Variants in AUTS2 observed in about 807,000 individuals in gnomAD.
AUTS2 encodes the protein autism susceptibility gene 2 protein.
In AUTS2, 17 loss-of-function variants were observed where a neutral mutation model predicts 112.4. The observed-to-expected ratio is 0.15, with a 90% CI of 0.10 to 0.23. The LOEUF is 0.23. Among genes scored for constraint, AUTS2 ranks in the 10% least tolerant of loss-of-function variants. The pLI, the probability that AUTS2 is intolerant of heterozygous loss-of-function variation, is 1.00. For missense variants in AUTS2, 1,510 were observed against 1,701.6 expected, an observed-to-expected ratio of 0.89 and a Z score of 1.98; for synonymous variants, 751 against 702.7, an observed-to-expected ratio of 1.07 and a Z score of -1.09.
At chr7:70,383,054 G>A (rs1461176052) in intron 4 of AUTS2, among the ~76,000 whole-genome samples, 1 of 152,062 alleles carries the variant, frequency 6.6e-6, no homozygotes, top group Non-Finnish European at 1.5e-5. Context: ...ATATTCTGAT[G>A]CTCTTTTAAT....
chr7:69,836,274 T>G (rs1791719967), intron 1 of AUTS2, among the ~76,000 whole-genome samples: 1 of 152,224 alleles, frequency 6.6e-6, no homozygotes, highest in South Asian at 2.1e-4. Flanking sequence ...GTGATACATG[T>G]GATGTCTTTG....
chr7:69,891,774 CTTTTTTTTTTTTTTTT>C (rs763424098), intron 1 of AUTS2, among the ~76,000 whole-genome samples: 65 of 26,742 alleles, frequency 2.4e-3, no homozygotes, highest in East Asian at 0.01. Context: ...AGACAGATAT[CTTTTTTTTTTTTTTTT>C]TTTTTTTTTT....
intron 1 of AUTS2, among the ~76,000 whole-genome samples, chr7:69,669,284 G>A (rs1172286347): frequency 6.6e-6 from 1 of 151,848 alleles, no homozygotes; most frequent in Non-Finnish European, 1.5e-5. Flanking sequence ...AAATAATAAT[G>A]TATATCTACT....
At position 70,088,035 on chromosome 7, in the gene AUTS2, C is replaced by CT. The variant is rs759374728; in HGVS notation, c.523-30083dup. Among the ~76,000 whole-genome samples, 1,142 of 137,728 alleles carry CT rather than the reference C, an allele frequency of 8.3e-3. 8 individuals carry two copies. Among genetic ancestry groups the CT allele is most frequent in the African/African-American group, 0.021 (780 of 37,858 alleles). The allele number at this position is 137,728 out of a possible 152,430, so 90.4% of individuals were successfully genotyped here. On this transcript the variant is annotated intron_variant, in intron 2 of 18. Coordinates refer to ENST00000342771, the MANE Select transcript of AUTS2 (RefSeq NM_015570.4). ...TATTCTTGATAGTGACAATTCATGT[C>CT]TTTTTTTTTTTTTTCCAGGTCAGTG...
rs1361492371 is a variant in AUTS2 at position 70,227,313 on chromosome 7, T to TA, written c.660+92742_660+92743insA. On this transcript the variant is annotated intron_variant, in intron 4 of 18. Transcript: ENST00000342771. ...TTTTCTGGTCACTTTTCTCATGCAT[T>TA]TAAAAAAAAAAAAACAACCTTTTTA... 3.2e-3 allele frequency among the ~76,000 whole-genome samples: 415 copies of TA among 131,288 alleles called. 1 individual carries two copies. The highest frequency in any genetic ancestry group is 9.4e-3 in the South Asian group (38 of 4,062). 86.1% of individuals were successfully genotyped at this position (131,288 alleles called of 152,430 possible). A position where few individuals can be genotyped will look rare whatever the true frequency, so the allele number is the denominator to read the frequency against.
intron 5 of AUTS2, among the ~76,000 whole-genome samples, chr7:70,564,022 C>A (rs187354536): frequency 6.6e-6 from 1 of 152,068 alleles, no homozygotes; most frequent in Non-Finnish European, 1.5e-5. Context: ...AGGTTTAAGT[C>A]GGCTTTTTAT....
intron 4 of AUTS2, among the ~76,000 whole-genome samples, chr7:70,180,616 C>T (rs1414842020): frequency 6.6e-6 from 1 of 152,176 alleles, no homozygotes; most frequent in Admixed American, 6.5e-5. Flanking sequence ...GTCCCTCCCT[C>T]CTCATCTCTG....
At chr7:69,812,516 G>A (rs554140948) in intron 1 of AUTS2, among the ~76,000 whole-genome samples, 253 of 152,322 alleles carry the variant, frequency 1.7e-3, no homozygotes, top group Middle Eastern at 3.4e-3. Flanking sequence ...GTGATGCTGT[G>A]AAATTTATTG....
At chr7:70,439,701 C>G (rs1350897171) in intron 5 of AUTS2, among the ~76,000 whole-genome samples, 1 of 152,124 alleles carries the variant, frequency 6.6e-6, no homozygotes, top group Non-Finnish European at 1.5e-5. Flanking sequence ...TTATTCTGAT[C>G]CCCCATTCGA....
At chr7:69,647,045 G>C (rs1795055902) in intron 1 of AUTS2, among the ~76,000 whole-genome samples, 1 of 152,160 alleles carries the variant, frequency 6.6e-6, no homozygotes, top group South Asian at 2.1e-4. Flanking sequence ...CCGAGATGGC[G>C]CCACTGCACT....
chr7:70,381,156 T>C (rs927731087), intron 4 of AUTS2, among the ~76,000 whole-genome samples: 19 of 152,156 alleles, frequency 1.2e-4, no homozygotes, highest in African/African-American at 4.6e-4. Flanking sequence ...AAGAATAACA[T>C]TAGAATTATA....
At chr7:70,650,971 G>C (rs1384343516) in intron 5 of AUTS2, among the ~76,000 whole-genome samples, 1 of 152,224 alleles carries the variant, frequency 6.6e-6, no homozygotes, top group Non-Finnish European at 1.5e-5. Context: ...TCAATGGACA[G>C]AGAGGAAGGA....
intron 2 of AUTS2, among the ~76,000 whole-genome samples, chr7:69,941,298 A>G (rs1796617374): frequency 6.6e-6 from 1 of 152,198 alleles, no homozygotes; most frequent in Non-Finnish European, 1.5e-5. Flanking sequence ...TGCCACATCT[A>G]TAAGGAATTG....
intron 4 of AUTS2, among the ~76,000 whole-genome samples, chr7:70,328,580 T>A (rs1472439990): frequency 1.1e-4 from 17 of 152,082 alleles, no homozygotes; most frequent in Admixed American, 1.0e-3. Flanking sequence ...TTGAATAACT[T>A]TTTGTTCCTG....
intron 2 of AUTS2, among the ~76,000 whole-genome samples, chr7:69,936,459 C>T (rs1796415405): frequency 6.6e-6 from 1 of 152,118 alleles, no homozygotes; most frequent in Admixed American, 6.5e-5. Flanking sequence ...ACGCCATTCT[C>T]CTGCCTCAGC....
chr7:70,589,233 G>A (rs1031577556), intron 5 of AUTS2, among the ~76,000 whole-genome samples: 6 of 152,268 alleles, frequency 3.9e-5, no homozygotes, highest in Middle Eastern at 3.4e-3. Flanking sequence ...CAGGGAGAAC[G>A]GGTCTGCAGA....
chr7:70,084,276 T>C (rs549340992), intron 2 of AUTS2, among the ~76,000 whole-genome samples: 1 of 152,316 alleles, frequency 6.6e-6, no homozygotes, highest in Middle Eastern at 3.4e-3. Flanking sequence ...ACAATATTAC[T>C]CAATTTATGG....
At chr7:70,339,758 C>T (rs1791171339) in intron 4 of AUTS2, among the ~76,000 whole-genome samples, 1 of 152,006 alleles carries the variant, frequency 6.6e-6, no homozygotes. Context: ...GAGAATAGGG[C>T]CTGGATTTTT....
At chr7:70,776,744 A>AT (rs1196993691) in intron 13 of AUTS2, 1 of 350,986 alleles carries the variant, frequency 2.8e-6, no homozygotes, top group African/African-American at 2.1e-5. Context: ...GCATGGCAAC[A>AT]TTTGTTAAGT....
Sources: gnomAD v4.1 joint callset for allele counts (sites outside exome capture counted in the v4.1 genomes callset) on GRCh38, gnomAD v4.1.1 for gene constraint, MANE v1.5 for transcripts, NCBI Gene and HGNC (gene_info 2026-07-23, HGNC 2026-07-21) for gene names.